TFEB: variants seen among roughly 807,000 people sequenced by gnomAD.
TFEB encodes the protein transcription factor EB.
Under a neutral mutation model 48.0 loss-of-function variants are expected in TFEB, and 12 were observed. That is an observed-to-expected ratio of 0.25 (90% CI 0.16 to 0.40). The LOEUF is 0.40. Ranked by LOEUF, TFEB falls within the 10% of genes least tolerant of loss-of-function variation. The probability of loss-of-function intolerance (pLI) is 1.00; values close to 1 mark genes in which losing one functional copy is unlikely to be tolerated. For synonymous variants in TFEB, 244 were observed against 261.4 expected (o/e 0.93, Z 0.64); for missense variants, 509 against 640.3 (o/e 0.79, Z 2.21).
Position 41,735,465 on chromosome 6 carries a change from G to A in TFEB, c.-138C>T, listed in dbSNP as rs1023283051. 41 of 984,634 alleles carry A rather than the reference G, an allele frequency of 4.2e-5. No individual in the cohort carries two copies. Among genetic ancestry groups the A allele is most frequent in the Middle Eastern group, 1.0e-3 (2 of 1,914 alleles). The allele number at this position is 984,634 out of a possible 1,614,324, so 61.0% of individuals were successfully genotyped here. On this transcript the variant is annotated 5_prime_UTR_variant, in exon 1 of 9. Coordinates refer to ENST00000373033, the MANE Select transcript of TFEB (RefSeq NM_001271944.2). ...CGCCACCTGCTCCCGGCCTGCTCCG[G>A]CCCCGTGCCACCAGGGAGGCCCGCC...
At chr6:41,733,889 C>A (rs1330940679) in intron 1 of TFEB, 2 of 985,942 alleles carry the variant, frequency 2.0e-6, no homozygotes, top group Non-Finnish European at 2.4e-6. Context: ...CAGCCTCCAA[C>A]CTCATCCCCA....
Position 41,730,460 on chromosome 6 carries a change from G to C in TFEB, c.-23+4890C>G, listed in dbSNP as rs1771405235. On this transcript the variant is annotated intron_variant, in intron 1 of 8. Coordinates refer to ENST00000373033, the MANE Select transcript of TFEB (RefSeq NM_001271944.2). The surrounding 1 kb of genome is among the most constrained non-coding windows in gnomAD (Gnocchi z 4.1). ...CCAGGTGGCCTGCATGGCCTGGCAA[G>C]CAGGTGCTGGATCTTATGGGGCCAG... Among the ~76,000 whole-genome samples, 3 of 152,222 alleles carry C rather than the reference G, an allele frequency of 2.0e-5. No homozygotes were observed. The highest frequency in any genetic ancestry group is 7.2e-5 in the African/African-American group (3 of 41,452).
At chr6:41,719,444 G>A (rs559332856) in intron 1 of TFEB, among the ~76,000 whole-genome samples, 6 of 152,276 alleles carry the variant, frequency 3.9e-5, no homozygotes, top group South Asian at 4.1e-4. Flanking sequence ...GTTGGGGACC[G>A]CTGGTCTACC....
Position 41,723,298 on chromosome 6 carries a change from G to C in TFEB, c.-23+12052C>G, listed in dbSNP as rs1489264324. ...CCAAAGACATCCCAATGCCAGTGCA[G>C]CCTGAGGGGCCTCATCCCTACCCAC... On this transcript the variant is annotated intron_variant, in intron 1 of 8. Coordinates refer to ENST00000373033, the MANE Select transcript of TFEB (RefSeq NM_001271944.2). This position sits in a 1 kb window ranked among gnomAD's most constrained non-coding sequence, Gnocchi z 6.0. Among the ~76,000 whole-genome samples, 1 of 150,272 alleles carries C rather than the reference G, an allele frequency of 6.7e-6. No homozygotes were observed. Among genetic ancestry groups the C allele is most frequent in the Admixed American group, 6.6e-5 (1 of 15,068 alleles).
chr6:41,723,642 AGCTGCAAATGCGGCC>A lies in TFEB; in HGVS notation c.-23+11693_-23+11707del. ...AGAGGAAGTTGCACAATCCCCTGGG[AGCTGCAAATGCGGCC>A]GAGGATTACTCACAGCACAGAGGGA... On this transcript the variant is annotated intron_variant, in intron 1 of 8. Transcript: ENST00000373033. The surrounding 1 kb of genome is among the most constrained non-coding windows in gnomAD (Gnocchi z 6.0). The A allele has an allele frequency of 1.1e-6, 1 of 902,998 alleles. No homozygotes were observed. The highest frequency in any genetic ancestry group is 1.6e-5 in the South Asian group (1 of 61,038). The allele number at this position is 902,998 out of a possible 1,614,324, so 55.9% of individuals were successfully genotyped here. A position where few individuals can be genotyped will look rare whatever the true frequency, so the allele number is the denominator to read the frequency against.
At position 41,691,290 on chromosome 6, in the gene TFEB, AGGGGCTGGCAGG is replaced by A; in HGVS notation, c.-22-67_-22-56del. The A allele has an allele frequency of 6.6e-7, 1 of 1,506,736 alleles. No individual in the cohort carries two copies. Among genetic ancestry groups the A allele is most frequent in the Non-Finnish European group, 9.0e-7 (1 of 1,106,912 alleles). 93.3% of individuals were successfully genotyped at this position (1,506,736 alleles called of 1,614,324 possible). A position where few individuals can be genotyped will look rare whatever the true frequency, so the allele number is the denominator to read the frequency against. On this transcript the variant is annotated intron_variant, in intron 1 of 8. Transcript: ENST00000373033. This position sits in a 1 kb window ranked among gnomAD's most constrained non-coding sequence, Gnocchi z 5.2. ...GAGGCACGTGTCCTCCTCAAAGCACAGGGGCTGGCAGGGGGAGGCCAGAATGACTGGGACCGC... is the reference window on the plus strand; with the variant it reads ...GAGGCACGTGTCCTCCTCAAAGCACAGGGAGGCCAGAATGACTGGGACCGC...
At position 41,686,231 on chromosome 6, in the gene TFEB, C is replaced by T. The variant is rs774575669; in HGVS notation, c.810G>A (p.Val270=). The T allele has an allele frequency of 3.1e-6, 5 of 1,613,968 alleles. No individual in the cohort carries two copies. The African/African-American group carries it at 6.7e-5, about 22-fold the overall frequency. ...TGAGGATGGTGCCCTTGTTCCAGCG[C>T]ACGTCCCTGCAGCAGCAGGCCAGGC... ...MLIPKANDLD[V]RWNKGTILKA... is the part of the protein sequence containing the mutation. Residue 270 remains valine (V), a synonymous_variant, in exon 8 of 9, where the codon GTG becomes GTA. Transcript: ENST00000373033.
intron 1 of TFEB, among the ~76,000 whole-genome samples, chr6:41,717,515 G>C (rs933744241): frequency 1.3e-5 from 2 of 152,168 alleles, no homozygotes; most frequent in Admixed American, 6.5e-5. Flanking sequence ...GGAGAATGAG[G>C]CTCAGGAAAT....
chr6:41,700,603 C>A (rs1449446726), intron 1 of TFEB, among the ~76,000 whole-genome samples: 1 of 152,230 alleles, frequency 6.6e-6, no homozygotes, highest in Non-Finnish European at 1.5e-5. Context: ...CCGCCTCTCC[C>A]AGACCCCCTG....
At position 41,701,534 on chromosome 6, in the gene TFEB, C is replaced by T. The variant is rs570388035; in HGVS notation, c.-22-10299G>A. Among the ~76,000 whole-genome samples, 4 of 152,348 alleles carry T rather than the reference C, an allele frequency of 2.6e-5. No homozygotes were observed. The South Asian group carries it at 6.2e-4, about 24-fold the overall frequency. ...ACTCAGTTATCACCCACTTGGCAAACGCTCCGAGTCCCTCCCACATTGCAC... is the reference window on the plus strand; with the variant it reads ...ACTCAGTTATCACCCACTTGGCAAATGCTCCGAGTCCCTCCCACATTGCAC... On this transcript the variant is annotated intron_variant, in intron 1 of 8. Transcript: ENST00000373033.
rs746642722 is a variant in TFEB at position 41,690,787 on chromosome 6, G to A, written c.344C>T (p.Pro115Leu). 16 of 1,611,730 alleles carry A rather than the reference G, an allele frequency of 9.9e-6. No individual in the cohort carries two copies. Among genetic ancestry groups the A allele is most frequent in the South Asian group, 4.4e-5 (4 of 91,002 alleles). ...AAHISPAQGSPKPPPAASPGV... is the reference protein window; with the variant it reads ...AAHISPAQGSLKPPPAASPGV... ...TGGGGAGGCGGCTGGTGGGGGTTTCGGAGAGCCCTGGGCTGGGCTGATGTG... is the reference window on the plus strand; with the variant it reads ...TGGGGAGGCGGCTGGTGGGGGTTTCAGAGAGCCCTGGGCTGGGCTGATGTG... Residue 115 changes from proline (P) to leucine (L), a missense_variant, in exon 3 of 9, where the codon CCG becomes CTG. Around this residue, in one of 4 missense-constraint regions of TFEB, gnomAD observed 251 missense variants for 317.2 expected, o/e 0.79. Transcript: ENST00000373033.
chr6:41,715,930 C>T (rs1770718013), intron 1 of TFEB, among the ~76,000 whole-genome samples: 1 of 152,174 alleles, frequency 6.6e-6, no homozygotes. Context: ...GTCGTGGTGC[C>T]TGGCTATAAC....
intron 7 of TFEB, chr6:41,686,446 A>T (rs1327628009): frequency 1.9e-6 from 1 of 523,982 alleles, no homozygotes; most frequent in Non-Finnish European, 3.3e-6. Flanking sequence ...AATCTCATGA[A>T]ACCAGGCAAT....
In TFEB at chr6:41,684,851, G is replaced by A; in HGVS notation, c.1179C>T (p.His393=). 2 of 1,579,872 alleles carry A rather than the reference G, an allele frequency of 1.3e-6. No homozygotes were observed. The highest frequency in any genetic ancestry group is 2.3e-5 in the East Asian group (1 of 44,210). ...AGCTCAGGCTGTGGCTGAAGTCCAGGTGATGGAATGGGGATGGTGGCTGGG... is the reference window on the plus strand; with the variant it reads ...AGCTCAGGCTGTGGCTGAAGTCCAGATGATGGAATGGGGATGGTGGCTGGG... ...LPTQPPSPFH[H]LDFSHSLSFG... Residue 393 remains histidine (H), a synonymous_variant, in exon 9 of 9, where the codon CAC becomes CAT. Transcript: ENST00000373033.
chr6:41,688,072 C>T lies in TFEB; in HGVS notation c.550-44G>A, dbSNP rs1581873175. 4 of 1,580,854 alleles carry T rather than the reference C, an allele frequency of 2.5e-6. No homozygotes were observed. The East Asian group carries it at 9.0e-5, about 36-fold the overall frequency. Reference sequence around the variant, plus strand: ...GGGAGACCCATGAGTATCCCCCTCTCCACGGGGAGCCCCCTCTAGGGCCTA... The same window carrying T: ...GGGAGACCCATGAGTATCCCCCTCTTCACGGGGAGCCCCCTCTAGGGCCTA... On this transcript the variant is annotated intron_variant, in intron 4 of 8. Transcript: ENST00000373033.
At chr6:41,688,213 A>G in intron 4 of TFEB, 185 bp from the exon 5 acceptor site, 1 of 645,972 alleles carries the variant, frequency 1.5e-6, no homozygotes, top group Non-Finnish European at 2.5e-6. Context: ...TATAAGATGT[A>G]GTCCCTGCCC....
chr6:41,736,109 G>GC (rs1368928120), upstream of TFEB: 3 of 1,612,560 alleles, frequency 1.9e-6, no homozygotes. Flanking sequence ...AAGGCAGCCT[G>GC]CCCCCATTAT....
In TFEB at chr6:41,724,606, G is replaced by T. The variant is rs1434029414; in HGVS notation, c.-23+10744C>A. On this transcript the variant is annotated intron_variant, in intron 1 of 8. Coordinates refer to ENST00000373033, the MANE Select transcript of TFEB (RefSeq NM_001271944.2). This position sits in a 1 kb window ranked among gnomAD's most constrained non-coding sequence, Gnocchi z 4.4. ...CTGGGTGTGCAGAGCCCCCAGGGAG[G>T]ACCTCTGGCTCCCGCCCCTTGCCGC... 6.6e-6 allele frequency among the ~76,000 whole-genome samples: 1 copy of T among 152,136 alleles called. No individual in the cohort carries two copies. Among genetic ancestry groups the T allele is most frequent in the Non-Finnish European group, 1.5e-5 (1 of 68,018 alleles).
chr6:41,689,651 C>T, intron 4 of TFEB, 80 bp downstream of exon 4: 4 of 1,130,770 alleles, frequency 3.5e-6, no homozygotes, highest in Non-Finnish European at 4.0e-6. Flanking sequence ...CCTGTCTCCA[C>T]TCTCTCCAGG....
Sources: gnomAD v4.1 joint callset for allele counts (sites outside exome capture counted in the v4.1 genomes callset) on GRCh38, gnomAD v4.1.1 for gene constraint, gnomAD v4.1.1 regional missense constraint, Gnocchi (gnomAD v3.1) non-coding constraint, MANE v1.5 for transcripts, NCBI Gene and HGNC (gene_info 2026-07-23, HGNC 2026-07-21) for gene names.